GTF2A1L: variants seen among roughly 807,000 people sequenced by gnomAD.
GTF2A1L encodes TFIIA-alpha and beta-like factor.
GTF2A1L carries 48 observed loss-of-function variants against 49.7 expected under a neutral mutation model. The observed-to-expected ratio is 0.97, with a 90% CI of 0.77 to 1.23. The LOEUF (loss-of-function observed/expected upper bound fraction) is 1.23, where lower values mean the gene tolerates loss of function less well. Among genes scored for constraint, GTF2A1L ranks in the 50% most tolerant of loss-of-function variants. The pLI is 0.00. For missense variants in GTF2A1L, 736 were observed against 564.8 expected (o/e 1.30, Z -3.07); for synonymous variants, 246 against 193.5 (o/e 1.27, Z -2.25).
chr2:48,673,923 T>A (rs1200327967), intron 8 of GTF2A1L, among the ~76,000 whole-genome samples: 1 of 152,152 alleles, frequency 6.6e-6, no homozygotes, highest in Non-Finnish European at 1.5e-5. Context: ...TTTTATGGCC[T>A]GGTTCAGGGG....
rs1203946672 is a variant in GTF2A1L, at chr2:48,669,800, G to A, written c.1057G>A (p.Gly353Ser). Residue 353 changes from glycine to serine, a missense_variant, in exon 7 of 9, where the codon GGT (glycine) becomes AGT (serine). Transcript: ENST00000403751. ...TGAAATAATTCAAGTAGATGGAAGC[G>A]GTGATACATCTTCCAATGAAGAAAT... Reference protein sequence around the residue: ...IGEIIQVDGSGDTSSNEEIGS... With the variant: ...IGEIIQVDGSSDTSSNEEIGS... The A allele has an allele frequency of 1.2e-5, 20 of 1,613,986 alleles. No homozygotes were observed. Among genetic ancestry groups the A allele is most frequent in the East Asian group, 2.2e-5 (1 of 44,840 alleles).
At position 48,627,874 on chromosome 2, in the gene GTF2A1L, C is replaced by G. The variant is rs986135873; in HGVS notation, c.247+6584C>G. ...TTAGTTTTTCAACCCTTGCCTTCCTCTCACCCTCATCCCTCTAGTAGTACC... is the reference window on the plus strand; with the variant it reads ...TTAGTTTTTCAACCCTTGCCTTCCTGTCACCCTCATCCCTCTAGTAGTACC... On this transcript the variant is annotated intron_variant, in intron 3 of 8. Transcript: ENST00000403751. Among the ~76,000 whole-genome samples, 3 of 143,518 alleles carry G rather than the reference C, an allele frequency of 2.1e-5. 1 individual carries two copies. The highest frequency in any genetic ancestry group is 2.4e-4 in the South Asian group (1 of 4,192). 94.2% of individuals were successfully genotyped at this position (143,518 alleles called of 152,430 possible).
chr2:48,667,518 A>G (rs1424869063), intron 6 of GTF2A1L, among the ~76,000 whole-genome samples: 1 of 152,072 alleles, frequency 6.6e-6, no homozygotes, highest in Non-Finnish European at 1.5e-5. Context: ...GCCCTCTAAG[A>G]TTTCTCTAAT....
chr2:48,640,961 A>G (rs1677165973), intron 3 of GTF2A1L, among the ~76,000 whole-genome samples: 1 of 152,158 alleles, frequency 6.6e-6, no homozygotes, highest in African/African-American at 2.4e-5. Context: ...AAAACTGTTC[A>G]ATGCTTTTAT....
intron 2 of GTF2A1L, 67 bp from the exon 3 acceptor site, chr2:48,621,100 A>T: frequency 6.5e-7 from 1 of 1,539,346 alleles, no homozygotes; most frequent in African/African-American, 1.4e-5. Flanking sequence ...AGAAACTGAA[A>T]AAAAGAGAAG....
rs376245053 is a variant in GTF2A1L at position 48,665,137 on chromosome 2, G to T, written c.979-4585G>T. On this transcript the variant is annotated intron_variant, in intron 6 of 8. Transcript: ENST00000403751. ...GGGTTTCACCATGTTAGTCAGGCTG[G>T]TCTCCAACTCTTGGCCTCAAGTGAT... Among the ~76,000 whole-genome samples the T allele has an allele frequency of 7.9e-5, 12 of 152,034 alleles. No homozygotes were observed. In the East Asian group the frequency reaches 2.3e-3, roughly 29 times the overall value.
In GTF2A1L at chr2:48,660,454, G is replaced by A. The variant is rs145491617; in HGVS notation, c.979-9268G>A. On this transcript the variant is annotated intron_variant, in intron 6 of 8. Transcript: ENST00000403751. The stretch of plus-strand genomic sequence containing the variant: ...GATTACTTATTCAGTCTACTTTCCA[G>A]TTAATATACTTATTAAGATTTTCTA... Among the ~76,000 whole-genome samples the A allele has an allele frequency of 1.0e-3, 153 of 152,054 alleles. 8 individuals are homozygous for A. The East Asian group carries it at 0.021, about 21-fold the overall frequency.
At chr2:48,647,849 A>AG (rs1677612576) in intron 6 of GTF2A1L, among the ~76,000 whole-genome samples, 1 of 152,132 alleles carries the variant, frequency 6.6e-6, no homozygotes, top group South Asian at 2.1e-4. Flanking sequence ...AAAATTAAAA[A>AG]AATTGCATTC....
chr2:48,673,785 C>T (rs1382954021), intron 8 of GTF2A1L, among the ~76,000 whole-genome samples: 1 of 152,046 alleles, frequency 6.6e-6, no homozygotes, highest in Non-Finnish European at 1.5e-5. Context: ...CGTAGTAAGG[C>T]CTGTTTGTTC....
intron 6 of GTF2A1L, among the ~76,000 whole-genome samples, chr2:48,659,302 C>A (rs1166217058): frequency 1.3e-5 from 2 of 152,170 alleles, no homozygotes; most frequent in South Asian, 4.1e-4. Context: ...TAGTTTTTCT[C>A]TTTCAAGAAT....
intron 6 of GTF2A1L, among the ~76,000 whole-genome samples, chr2:48,664,780 A>G (rs537804176): frequency 1.3e-5 from 2 of 152,248 alleles, no homozygotes; most frequent in African/African-American, 4.8e-5. Context: ...AAATTTATTG[A>G]AAGTTGATAA....
intron 3 of GTF2A1L, among the ~76,000 whole-genome samples, chr2:48,623,550 G>A (rs547193712): frequency 5.9e-5 from 9 of 152,186 alleles, no homozygotes; most frequent in Non-Finnish European, 1.2e-4. Context: ...CAACTCATCA[G>A]TTCTATTACT....
chr2:48,629,115 C>A (rs1273456769), intron 3 of GTF2A1L, among the ~76,000 whole-genome samples: 4 of 142,950 alleles, frequency 2.8e-5, no homozygotes, highest in African/African-American at 9.9e-5. Flanking sequence ...GTGGTGCGTG[C>A]CTGTAATCCC....
Position 48,646,711 on chromosome 2 carries a change from A to G in GTF2A1L, c.647A>G (p.Asp216Gly). 1.7e-5 allele frequency: 27 copies of G among 1,614,222 alleles called. No individual in the cohort carries two copies. Among genetic ancestry groups the G allele is most frequent in the East Asian group, 2.2e-5 (1 of 44,892 alleles). Residue 216 changes from aspartate to glycine, a missense_variant, in exon 6 of 9, where the codon GAT (aspartate) becomes GGT (glycine). Physicochemically the swap from Asp to Gly is moderately conservative, Grantham distance 94. Transcript: ENST00000403751. ...DRKHLENATS[D>G]ILVSPGNEHK... is the part of the protein sequence containing the mutation. ...AAACACTTAGAAAATGCCACCAGTGATATACTTGTATCTCCTGGAAATGAG... is the reference window on the plus strand; with the variant it reads ...AAACACTTAGAAAATGCCACCAGTGGTATACTTGTATCTCCTGGAAATGAG...
Position 48,621,257 on chromosome 2 carries a change from C to T in GTF2A1L, c.214C>T (p.His72Tyr), listed in dbSNP as rs772241364. The T allele has an allele frequency of 1.9e-6, 3 of 1,614,026 alleles. No individual in the cohort carries two copies. The South Asian group carries it at 3.3e-5, about 18-fold the overall frequency. ...QSPLFTLQLP[H>Y]SLHQTLQSST... ...ACCTCTGTTTACTCTTCAGTTGCCG[C>T]ACAGCTTGCACCAAACATTGCAATC... Residue 72 changes from histidine to tyrosine, a missense_variant, in exon 3 of 9, where the codon CAC (histidine) becomes TAC (tyrosine). Physicochemically the swap from His to Tyr is moderately conservative, Grantham distance 83. Transcript: ENST00000403751.
intron 8 of GTF2A1L, among the ~76,000 whole-genome samples, chr2:48,672,193 T>C (rs1321876899): frequency 1.3e-5 from 2 of 152,120 alleles, no homozygotes; most frequent in African/African-American, 2.4e-5. Flanking sequence ...CAGGTAAATA[T>C]GGAGAATAAG....
chr2:48,650,561 A>C (rs1677790965), intron 6 of GTF2A1L, among the ~76,000 whole-genome samples: 1 of 152,190 alleles, frequency 6.6e-6, no homozygotes, highest in South Asian at 2.1e-4. Flanking sequence ...TGTCCTATCA[A>C]TAATTGACTT....
At chr2:48,632,175 A>T (rs1676617027) in intron 3 of GTF2A1L, 1 of 152,132 alleles carries the variant, frequency 6.6e-6, no homozygotes, top group African/African-American at 2.4e-5. Context: ...TTAAAACTTG[A>T]TTCTTTTTTA....
At chr2:48,657,865 A>G (rs780758164) in intron 6 of GTF2A1L, among the ~76,000 whole-genome samples, 12 of 151,968 alleles carry the variant, frequency 7.9e-5, no homozygotes, top group Non-Finnish European at 1.6e-4. Flanking sequence ...GTGATGTGGA[A>G]CATTTTTTCA....
Sources: allele counts gnomAD v4.1 joint callset (sites outside exome capture counted in the v4.1 genomes callset), GRCh38; gene constraint gnomAD v4.1.1; transcripts MANE v1.5; gene names NCBI Gene and HGNC (gene_info 2026-07-23, HGNC 2026-07-21).